NRCAM: variants seen among roughly 807,000 people sequenced by gnomAD.
The protein encoded by NRCAM is neuronal cell adhesion molecule.
Under a neutral mutation model 156.5 loss-of-function variants are expected in NRCAM, and 83 were observed. The ratio of observed to expected loss-of-function variants is 0.53; its 90% CI spans 0.44 to 0.64. NRCAM has a LOEUF of 0.64. Among genes scored for constraint, NRCAM ranks in the 30% least tolerant of loss-of-function variants. The pLI, the probability that NRCAM is intolerant of heterozygous loss-of-function variation, is 0.00. For synonymous variants in NRCAM, 538 were observed against 563.9 expected (o/e 0.95, Z 0.65); for missense variants, 1,417 against 1,597.3 (o/e 0.89, Z 1.92).
intron 2 of NRCAM, among the ~76,000 whole-genome samples, chr7:108,327,209 C>G (rs1188528628): frequency 6.6e-6 from 1 of 152,138 alleles, no homozygotes; most frequent in East Asian, 1.9e-4. Context: ...CTATTCCTAG[C>G]TGGGTAGCTT....
intron 3 of NRCAM, among the ~76,000 whole-genome samples, chr7:108,268,635 T>TG (rs1563033340): frequency 2.4e-4 from 9 of 37,618 alleles, no homozygotes; most frequent in African/African-American, 5.8e-4. Flanking sequence ...TGGGGGGGGG[T>TG]TGGGGGGGGC....
intron 3 of NRCAM, among the ~76,000 whole-genome samples, chr7:108,241,614 C>G (rs1213585153): frequency 1.3e-5 from 2 of 152,084 alleles, no homozygotes; most frequent in African/African-American, 4.8e-5. Flanking sequence ...GTCCTATCCC[C>G]CACTGCATCC....
intron 1 of NRCAM, among the ~76,000 whole-genome samples, chr7:108,437,560 T>C (rs1166553849): frequency 1.3e-5 from 2 of 152,088 alleles, no homozygotes; most frequent in Non-Finnish European, 2.9e-5. Context: ...TATACACACC[T>C]ACTATGTAGC....
At chr7:108,337,046 C>T (rs2099202403) in intron 2 of NRCAM, among the ~76,000 whole-genome samples, 1 of 152,086 alleles carries the variant, frequency 6.6e-6, no homozygotes, top group Admixed American at 6.5e-5. Flanking sequence ...GGATGAATCG[C>T]TTGAGGCCAG....
chr7:108,223,177 A>T (rs2092759467), intron 11 of NRCAM, among the ~76,000 whole-genome samples: 1 of 152,172 alleles, frequency 6.6e-6, no homozygotes, highest in South Asian at 2.1e-4. Context: ...CCATCAACTC[A>T]GATGCCCCAG....
chr7:108,192,910 T>C (rs2072914523), intron 17 of NRCAM, among the ~76,000 whole-genome samples: 1 of 152,194 alleles, frequency 6.6e-6, no homozygotes. Flanking sequence ...AAAAAATTAA[T>C]GTATAGAGAA....
At chr7:108,354,163 A>G (rs978050822) in intron 2 of NRCAM, among the ~76,000 whole-genome samples, 2 of 152,258 alleles carry the variant, frequency 1.3e-5, no homozygotes, top group Non-Finnish European at 2.9e-5. Context: ...CAATGCAAAA[A>G]TGTATAAATA....
chr7:108,239,547 G>A (rs1035593978), intron 4 of NRCAM, among the ~76,000 whole-genome samples: 5 of 152,128 alleles, frequency 3.3e-5, no homozygotes, highest in Admixed American at 6.5e-5. Context: ...AGCATATGAC[G>A]GGAAAGAGTA....
chr7:108,387,903 G>T (rs562864094), intron 2 of NRCAM, among the ~76,000 whole-genome samples: 246 of 152,152 alleles, frequency 1.6e-3, no homozygotes, highest in African/African-American at 5.8e-3. Flanking sequence ...CTTTTTTATG[G>T]CTGCATAGTA....
chr7:108,180,886 C>T (rs2063071982), intron 24 of NRCAM, among the ~76,000 whole-genome samples: 1 of 152,176 alleles, frequency 6.6e-6, no homozygotes, highest in African/African-American at 2.4e-5. Context: ...TACTGTTATT[C>T]ATATGGTGCA....
chr7:108,363,155 A>G (rs2099570288), intron 2 of NRCAM, among the ~76,000 whole-genome samples: 1 of 152,240 alleles, frequency 6.6e-6, no homozygotes, highest in Admixed American at 6.5e-5. Context: ...ATAAATATCC[A>G]TGAGTACAAA....
chr7:108,176,414 T>C lies in NRCAM; in HGVS notation c.3151+16A>G, dbSNP rs2060530579. 7 of 1,600,702 alleles carry C rather than the reference T, an allele frequency of 4.4e-6. No homozygotes were observed. Among genetic ancestry groups the C allele is most frequent in the Non-Finnish European group, 6.0e-6 (7 of 1,169,674 alleles). ...GATGCTTATAATTATATGGATTTTA[T>C]ACATACCCATCTTACCTTCATCCAC... On this transcript the variant is annotated intron_variant, in intron 27 of 32. Coordinates refer to ENST00000379028, the MANE Select transcript of NRCAM (RefSeq NM_001037132.4).
At chr7:108,164,505 T>C (rs919061244) in intron 30 of NRCAM, among the ~76,000 whole-genome samples, 15 of 141,960 alleles carry the variant, frequency 1.1e-4, no homozygotes, top group South Asian at 6.5e-4. Context: ...TAGCCAATGA[T>C]AGGCTTTCAT....
chr7:108,196,549 G>C (rs1022315648), intron 14 of NRCAM, among the ~76,000 whole-genome samples: 58 of 152,222 alleles, frequency 3.8e-4, no homozygotes, highest in African/African-American at 1.3e-3. Flanking sequence ...CTCAAAAGAA[G>C]ATATACAAAC....
chr7:108,208,145 A>C (rs1377775841), intron 12 of NRCAM, among the ~76,000 whole-genome samples: 2 of 150,142 alleles, frequency 1.3e-5, no homozygotes, highest in African/African-American at 5.0e-5. Flanking sequence ...AATACAAAAA[A>C]AAAAAAAAAA....
chr7:108,400,445 T>C (rs1383979173), intron 1 of NRCAM, among the ~76,000 whole-genome samples: 2 of 152,190 alleles, frequency 1.3e-5, no homozygotes, highest in African/African-American at 4.8e-5. Flanking sequence ...TTAGCACCAC[T>C]GGGTAAGCTT....
At chr7:108,190,080 C>T (rs1033163119) in intron 19 of NRCAM, among the ~76,000 whole-genome samples, 1 of 152,124 alleles carries the variant, frequency 6.6e-6, no homozygotes, top group Non-Finnish European at 1.5e-5. Context: ...AAATAATAAG[C>T]TTAATTTCTA....
Position 108,279,177 on chromosome 7 carries a change from T to C in NRCAM, c.-107+33488A>G, listed in dbSNP as rs146617465. 2.9e-3 allele frequency among the ~76,000 whole-genome samples: 436 copies of C among 152,356 alleles called. 3 individuals are homozygous for C. The highest frequency in any genetic ancestry group is 0.01 in the African/African-American group (418 of 41,592). On this transcript the variant is annotated intron_variant, in intron 3 of 32. Coordinates refer to ENST00000379028, the MANE Select transcript of NRCAM (RefSeq NM_001037132.4). ...TGGGTTTCCTGGCATAAGTGTAGCA[T>C]GACTAAAATCGCTGGAAAGTCTCTG...
intron 11 of NRCAM, among the ~76,000 whole-genome samples, chr7:108,219,661 T>C (rs573308217): frequency 1.3e-5 from 2 of 152,198 alleles, no homozygotes; most frequent in African/African-American, 2.4e-5. Context: ...CCCTTTATTA[T>C]TAAAACTTTC....
Sources: allele counts gnomAD v4.1 joint callset (sites outside exome capture counted in the v4.1 genomes callset), GRCh38; gene constraint gnomAD v4.1.1; transcripts MANE v1.5; gene names NCBI Gene and HGNC (gene_info 2026-07-23, HGNC 2026-07-21).